The following MAN1A2 variants were observed in gnomAD, a reference collection of about 807,000 sequenced individuals.
MAN1A2 encodes the protein mannosidase alpha class 1A member 2.
MAN1A2 carries 26 observed loss-of-function variants against 75.7 expected under a neutral mutation model. The ratio of observed to expected loss-of-function variants is 0.34; its 90% CI spans 0.25 to 0.48. The LOEUF is 0.48. MAN1A2 is among the 20% of genes least tolerant of loss of function. The probability of loss-of-function intolerance (pLI) is 0.99; values close to 1 mark genes in which losing one functional copy is unlikely to be tolerated. For synonymous variants in MAN1A2, 247 were observed against 264.6 expected (o/e 0.93, Z 0.65); for missense variants, 562 against 775.5 (o/e 0.72, Z 3.27).
chr1:117,511,259 T>G (rs1329502479), intron 12 of MAN1A2, among the ~76,000 whole-genome samples: 2 of 152,066 alleles, frequency 1.3e-5, no homozygotes, highest in East Asian at 3.9e-4. Context: ...CCTCTACATA[T>G]GGGGATTATG....
rs1223396675 is a variant in MAN1A2 at position 117,428,771 on chromosome 1, AGAG to A, written c.855+8126_855+8128del. On this transcript the variant is annotated intron_variant, in intron 5 of 12. Coordinates refer to ENST00000356554, the MANE Select transcript of MAN1A2 (RefSeq NM_006699.5). ...AAGATGAAAAGTATTGTCAGAGACA[AGAG>A]GAGACCTTTCTTTTTTTTTTTTTTT... Among the ~76,000 whole-genome samples the A allele has an allele frequency of 2.7e-5, 4 of 149,806 alleles. No homozygotes were observed. The East Asian group carries it at 7.7e-4, about 29-fold the overall frequency.
intron 3 of MAN1A2, among the ~76,000 whole-genome samples, chr1:117,407,393 T>C (rs1432270981): frequency 6.6e-6 from 1 of 152,204 alleles, no homozygotes; most frequent in African/African-American, 2.4e-5. Context: ...TTTGATCTTT[T>C]TCTTTTTTAA....
intron 1 of MAN1A2, among the ~76,000 whole-genome samples, chr1:117,395,501 C>G (rs1468718936): frequency 6.6e-6 from 1 of 152,112 alleles, no homozygotes; most frequent in Non-Finnish European, 1.5e-5. Flanking sequence ...CCTTGTACAT[C>G]TAAGCCACAA....
Position 117,526,849 on chromosome 1 carries a change from TC to T in MAN1A2, c.*3893del, listed in dbSNP as rs1652034151. The T allele has an allele frequency of 2.5e-5, 2 of 78,978 alleles. No individual in the cohort carries two copies. The highest frequency in any genetic ancestry group is 5.2e-5 in the Non-Finnish European group (2 of 38,602). The allele number at this position is 78,978 out of a possible 1,614,324, so 4.9% of individuals were successfully genotyped here. On this transcript the variant is annotated 3_prime_UTR_variant, in exon 13 of 13. Transcript: ENST00000356554. Reference sequence around the variant, plus strand: ...GCTAGGTCCTATCTTTTCCTCTCTCTCTCTCTCTCTCTCTCTCTCTCTCTCT... The same window carrying T: ...GCTAGGTCCTATCTTTTCCTCTCTCTTCTCTCTCTCTCTCTCTCTCTCTCT...
intron 7 of MAN1A2, among the ~76,000 whole-genome samples, chr1:117,464,559 A>T (rs1296874629): frequency 6.6e-6 from 1 of 152,088 alleles, no homozygotes; most frequent in Non-Finnish European, 1.5e-5. Context: ...TCTAAATTAG[A>T]TGGTGTAACT....
chr1:117,489,059 A>C (rs2101868849), intron 8 of MAN1A2, among the ~76,000 whole-genome samples: 1 of 152,184 alleles, frequency 6.6e-6, no homozygotes, highest in East Asian at 1.9e-4. Flanking sequence ...TATAATAGAT[A>C]TCTTGCAGTG....
chr1:117,518,240 T>C lies in MAN1A2; in HGVS notation c.1794-4585T>C, dbSNP rs74725316. Reference sequence around the variant, plus strand: ...CTATCTAAGAATAAAAGAAAACTTGTTATTTAGCAGCGCATATACTTTGGC... The same window carrying C: ...CTATCTAAGAATAAAAGAAAACTTGCTATTTAGCAGCGCATATACTTTGGC... On this transcript the variant is annotated intron_variant, in intron 12 of 12. Coordinates refer to ENST00000356554, the MANE Select transcript of MAN1A2 (RefSeq NM_006699.5). Among the ~76,000 whole-genome samples the C allele has an allele frequency of 3.1e-3, 478 of 152,138 alleles. 7 individuals carry two copies. In the East Asian group the frequency reaches 0.039, roughly 12 times the overall value.
rs116524144 is a variant in MAN1A2, at chr1:117,465,426, T to C, written c.1075-908T>C. Among the ~76,000 whole-genome samples the C allele has an allele frequency of 2.4e-3, 360 of 152,254 alleles. 2 individuals are homozygous for C. The highest frequency in any genetic ancestry group is 7.9e-3 in the African/African-American group (328 of 41,554). On this transcript the variant is annotated intron_variant, in intron 7 of 12. Coordinates refer to ENST00000356554, the MANE Select transcript of MAN1A2 (RefSeq NM_006699.5). The stretch of plus-strand genomic sequence containing the variant: ...CAAATGTGAAAGAACACAGGTAATA[T>C]AGACAGCATCCCTGAGTCCATTCCT...
Position 117,402,354 on chromosome 1 carries a change from A to G in MAN1A2, c.471A>G (p.Pro157=), listed in dbSNP as rs1459085458. 4 of 1,613,882 alleles carry G rather than the reference A, an allele frequency of 2.5e-6. No homozygotes were observed. The highest frequency in any genetic ancestry group is 3.4e-6 in the Non-Finnish European group (4 of 1,179,824). ...AGATAAAAGAGAACAAGCCACTGCC[A>G]CCAGTCCCTATTCCCAACCTTGTAG... The part of the protein sequence containing the change: ...EMKIKENKPL[P]PVPIPNLVGI... The change falls in exon 2 of 13, where the codon CCA becomes CCG. Residue 157 remains proline (P), a synonymous_variant. Transcript: ENST00000356554.
At chr1:117,442,453 G>T in intron 6 of MAN1A2, 128 bp downstream of exon 6, 3 of 582,072 alleles carry the variant, frequency 5.2e-6, no homozygotes, top group South Asian at 2.5e-5. Context: ...TATAATCTTT[G>T]TTTTCTTTTG....
intron 5 of MAN1A2, among the ~76,000 whole-genome samples, chr1:117,435,805 C>T (rs1648828302): frequency 6.6e-6 from 1 of 152,250 alleles, no homozygotes; most frequent in Admixed American, 6.5e-5. Flanking sequence ...TGCCTGTAAT[C>T]CCAGCACTTT....
At chr1:117,505,778 G>A (rs1260097030) in intron 12 of MAN1A2, among the ~76,000 whole-genome samples, 1 of 151,118 alleles carries the variant, frequency 6.6e-6, no homozygotes, top group Non-Finnish European at 1.5e-5. Context: ...AATTTTTTAT[G>A]TTGCTAAATT....
At chr1:117,480,829 CAA>C (rs1175231752) in intron 8 of MAN1A2, among the ~76,000 whole-genome samples, 1 of 151,836 alleles carries the variant, frequency 6.6e-6, no homozygotes, top group Non-Finnish European at 1.5e-5. Flanking sequence ...ACTTGAGGTT[CAA>C]AGAGTTAATC....
intron 5 of MAN1A2, among the ~76,000 whole-genome samples, chr1:117,438,700 A>T (rs1243189846): frequency 6.6e-6 from 1 of 152,176 alleles, no homozygotes; most frequent in African/African-American, 2.4e-5. Context: ...AATACTTACC[A>T]TTGTGTTAAA....
intron 1 of MAN1A2, among the ~76,000 whole-genome samples, chr1:117,372,276 G>C (rs971932534): frequency 1.3e-5 from 2 of 152,102 alleles, no homozygotes; most frequent in Non-Finnish European, 2.9e-5. Context: ...AATTAGTGGA[G>C]AAAAGTGGTT....
chr1:117,468,556 A>G (rs973283928), intron 8 of MAN1A2, among the ~76,000 whole-genome samples: 10 of 152,196 alleles, frequency 6.6e-5, no homozygotes, highest in African/African-American at 2.4e-4. Context: ...ACATGTGACC[A>G]TGGAGCACTT....
intron 12 of MAN1A2, among the ~76,000 whole-genome samples, chr1:117,521,406 G>C (rs1458560333): frequency 1.3e-5 from 2 of 151,368 alleles, no homozygotes; most frequent in Admixed American, 6.6e-5. Flanking sequence ...TGTAAAAGTG[G>C]TCCACAAACA....
intron 10 of MAN1A2, among the ~76,000 whole-genome samples, chr1:117,498,322 T>C (rs1306094793): frequency 1.3e-5 from 2 of 152,002 alleles, no homozygotes; most frequent in East Asian, 3.9e-4. Flanking sequence ...TTTTGCAGAT[T>C]TTGACCAAAA....
At chr1:117,470,472 T>C (rs1392776061) in intron 8 of MAN1A2, among the ~76,000 whole-genome samples, 1 of 152,106 alleles carries the variant, frequency 6.6e-6, no homozygotes, top group Non-Finnish European at 1.5e-5. Context: ...ATGGCAACTT[T>C]TGTGTTATAT....
Sources: gnomAD v4.1 joint callset for allele counts (sites outside exome capture counted in the v4.1 genomes callset) on GRCh38, gnomAD v4.1.1 for gene constraint, MANE v1.5 for transcripts, NCBI Gene and HGNC (gene_info 2026-07-23, HGNC 2026-07-21) for gene names.